MACROD2: variants seen among roughly 807,000 people sequenced by gnomAD.
MACROD2 encodes ADP-ribose glycohydrolase MACROD2.
MACROD2 carries 36 observed loss-of-function variants against 70.4 expected under a neutral mutation model. The observed-to-expected ratio is 0.51, with a 90% CI of 0.39 to 0.68. MACROD2 has a LOEUF of 0.68. Ranked by LOEUF, MACROD2 falls within the 30% of genes least tolerant of loss-of-function variation. MACROD2 has a pLI of 0.00. For missense variants in MACROD2, 496 were observed against 538.4 expected (o/e 0.92, Z 0.78); for synonymous variants, 172 against 178.8 (o/e 0.96, Z 0.30).
At chr20:15,330,489 A>G (rs1339100418) in intron 6 of MACROD2, among the ~76,000 whole-genome samples, 4 of 151,566 alleles carry the variant, frequency 2.6e-5, no homozygotes, top group Non-Finnish European at 5.9e-5. Flanking sequence ...ATCAAGGTGT[A>G]GATTAGTGGT....
At chr20:14,691,735 G>A (rs2071067033) in intron 5 of MACROD2, among the ~76,000 whole-genome samples, 1 of 152,178 alleles carries the variant, frequency 6.6e-6, no homozygotes, top group Non-Finnish European at 1.5e-5. Flanking sequence ...GAAAGCAGTG[G>A]AGTGGACATG....
At chr20:14,167,057 G>A (rs1295568048) in intron 3 of MACROD2, among the ~76,000 whole-genome samples, 1 of 152,108 alleles carries the variant, frequency 6.6e-6, no homozygotes, top group Non-Finnish European at 1.5e-5. Context: ...CAGCAGGTCA[G>A]CACATGTACT....
intron 3 of MACROD2, among the ~76,000 whole-genome samples, chr20:14,473,334 C>T (rs904045683): frequency 3.3e-5 from 5 of 152,140 alleles, no homozygotes; most frequent in African/African-American, 1.2e-4. Context: ...CCGCTGGTAA[C>T]CACTATTCTA....
intron 10 of MACROD2, among the ~76,000 whole-genome samples, chr20:15,918,109 A>G (rs555662977): frequency 6.6e-6 from 1 of 152,318 alleles, no homozygotes; most frequent in South Asian, 2.1e-4. Flanking sequence ...TTGTAATCAT[A>G]AAATCTGTGG....
intron 3 of MACROD2, among the ~76,000 whole-genome samples, chr20:14,273,048 G>C (rs929183440): frequency 1.3e-5 from 2 of 151,830 alleles, no homozygotes; most frequent in African/African-American, 4.8e-5. Flanking sequence ...AATAATGGGA[G>C]ACTTTAACAC....
chr20:15,648,094 G>A (rs2049581256), intron 8 of MACROD2, among the ~76,000 whole-genome samples: 1 of 152,180 alleles, frequency 6.6e-6, no homozygotes, highest in Non-Finnish European at 1.5e-5. Flanking sequence ...TCAAAACACT[G>A]TAATGGATGA....
At chr20:14,009,028 A>T (rs189215696) in intron 2 of MACROD2, among the ~76,000 whole-genome samples, 1 of 152,186 alleles carries the variant, frequency 6.6e-6, no homozygotes, top group Non-Finnish European at 1.5e-5. Context: ...GGAAGACAAC[A>T]TACGCAGTAC....
At chr20:14,733,746 G>GT (rs1036260948) in intron 5 of MACROD2, among the ~76,000 whole-genome samples, 3 of 152,024 alleles carry the variant, frequency 2.0e-5, no homozygotes, top group Non-Finnish European at 2.9e-5. Context: ...ATAGGCAGGG[G>GT]TTTTTTTTCC....
At chr20:14,987,652 A>G (rs1233030444) in intron 5 of MACROD2, among the ~76,000 whole-genome samples, 1 of 152,196 alleles carries the variant, frequency 6.6e-6, no homozygotes, top group East Asian at 1.9e-4. Context: ...GGAATATGTT[A>G]TAAAGGAACA....
At chr20:15,455,293 G>C (rs1347785081) in intron 7 of MACROD2, among the ~76,000 whole-genome samples, 1 of 152,170 alleles carries the variant, frequency 6.6e-6, no homozygotes, top group Non-Finnish European at 1.5e-5. Flanking sequence ...TAATGAGTGT[G>C]CATATTGGTC....
chr20:14,566,767 G>C (rs1979835896), intron 4 of MACROD2: 2 of 151,896 alleles, frequency 1.3e-5, no homozygotes, highest in Non-Finnish European at 2.9e-5. Context: ...CTTGCCTGTA[G>C]GTTGGAAAAC....
At chr20:14,095,931 G>T (rs558391017) in intron 3 of MACROD2, among the ~76,000 whole-genome samples, 1 of 152,130 alleles carries the variant, frequency 6.6e-6, no homozygotes, top group Non-Finnish European at 1.5e-5. Flanking sequence ...AAATGCAAAA[G>T]AAAAATGTTA....
At chr20:15,518,294 T>C (rs1372541307) in intron 8 of MACROD2, among the ~76,000 whole-genome samples, 2 of 152,234 alleles carry the variant, frequency 1.3e-5, no homozygotes, top group Non-Finnish European at 2.9e-5. Flanking sequence ...ACAAAGCTGA[T>C]GAGAAGATTG....
rs1229131090 is a variant in MACROD2 at position 15,194,337 on chromosome 20, T to C, written c.419-35603T>C. Among the ~76,000 whole-genome samples, 2 of 144,086 alleles carry C rather than the reference T, an allele frequency of 1.4e-5. 1 individual carries two copies. Among genetic ancestry groups the C allele is most frequent in the Admixed American group, 1.4e-4 (2 of 14,368 alleles). 94.5% of individuals were successfully genotyped at this position (144,086 alleles called of 152,430 possible). A position where few individuals can be genotyped will look rare whatever the true frequency, so the allele number is the denominator to read the frequency against. ...GGAAGGAAAAGAATTGTATCAACCA[T>C]ACAGTGTTAAATCAGAGTTTATTAG... On this transcript the variant is annotated intron_variant, in intron 5 of 17. Coordinates refer to ENST00000684519, the MANE Select transcript of MACROD2 (RefSeq NM_001351661.2).
chr20:15,031,691 C>T (rs1029510310), intron 5 of MACROD2, among the ~76,000 whole-genome samples: 8 of 152,106 alleles, frequency 5.3e-5, no homozygotes, highest in Admixed American at 6.5e-5. Flanking sequence ...GCAGAGTTAG[C>T]GGTGTTTTTA....
chr20:14,851,814 C>A (rs2122316377), intron 5 of MACROD2, among the ~76,000 whole-genome samples: 1 of 152,222 alleles, frequency 6.6e-6, no homozygotes, highest in African/African-American at 2.4e-5. Context: ...TCACAGAAAA[C>A]AAAACAGTGT....
intron 5 of MACROD2, among the ~76,000 whole-genome samples, chr20:14,766,228 G>C (rs1218340748): frequency 1.3e-5 from 2 of 152,054 alleles, no homozygotes; most frequent in African/African-American, 4.8e-5. Flanking sequence ...GGCTTACACT[G>C]TTAGCCAATG....
intron 6 of MACROD2, among the ~76,000 whole-genome samples, chr20:15,252,384 T>G (rs544236080): frequency 6.6e-6 from 1 of 152,152 alleles, no homozygotes; most frequent in East Asian, 1.9e-4. Context: ...GATTGAGTTC[T>G]TACTCAGGCT....
chr20:14,830,116 A>G (rs183947453), intron 5 of MACROD2, among the ~76,000 whole-genome samples: 1 of 152,250 alleles, frequency 6.6e-6, no homozygotes, highest in East Asian at 1.9e-4. Context: ...ATGGGTTTCT[A>G]GTTTCCTCTT....
Sources: gnomAD v4.1 joint callset for allele counts (sites outside exome capture counted in the v4.1 genomes callset) on GRCh38, gnomAD v4.1.1 for gene constraint, MANE v1.5 for transcripts, NCBI Gene and HGNC (gene_info 2026-07-23, HGNC 2026-07-21) for gene names.